The following SLC1A2 variants were observed in gnomAD, a reference collection of about 807,000 sequenced individuals.
SLC1A2 encodes the protein solute carrier family 1 member 2.
Under a neutral mutation model 48.8 loss-of-function variants are expected in SLC1A2, and 15 were observed. The ratio of observed to expected loss-of-function variants is 0.31; its 90% CI spans 0.21 to 0.47. The LOEUF (loss-of-function observed/expected upper bound fraction) is 0.47, where lower values mean the gene tolerates loss of function less well. Ranked by LOEUF, SLC1A2 falls within the 20% of genes least tolerant of loss-of-function variation. SLC1A2 has a pLI of 0.99. For missense variants in SLC1A2, 502 were observed against 730.5 expected (o/e 0.69, Z 3.61); for synonymous variants, 279 against 272.6 (o/e 1.02, Z -0.23).
chr11:35,365,735 A>G (rs1853822116), intron 1 of SLC1A2, among the ~76,000 whole-genome samples: 1 of 152,058 alleles, frequency 6.6e-6, no homozygotes, highest in African/African-American at 2.4e-5. Flanking sequence ...TACAGTTTAT[A>G]TGTCTGTCTG....
At chr11:35,261,696 T>C in intron 10 of SLC1A2, 1 of 398,576 alleles carries the variant, frequency 2.5e-6, no homozygotes, top group Non-Finnish European at 4.4e-6. Context: ...CTCAACGTCA[T>C]GTGCAAACTT....
intron 4 of SLC1A2, among the ~76,000 whole-genome samples, chr11:35,308,185 T>C (rs182083817): frequency 6.6e-6 from 1 of 152,350 alleles, no homozygotes; most frequent in East Asian, 1.9e-4. Context: ...CTACCTATTT[T>C]ACATCCATTA....
At chr11:35,410,841 G>T (rs1260129079) in intron 1 of SLC1A2, among the ~76,000 whole-genome samples, 1 of 152,128 alleles carries the variant, frequency 6.6e-6, no homozygotes, top group Non-Finnish European at 1.5e-5. Context: ...CTCTCCCTCT[G>T]CCTACCCTGG....
At chr11:35,298,143 A>T (rs1434458803) in intron 6 of SLC1A2, 2 of 152,208 alleles carry the variant, frequency 1.3e-5, no homozygotes, top group African/African-American at 4.8e-5. Flanking sequence ...TTTGTTCAGT[A>T]CTATTGTGAA....
At chr11:35,394,794 G>T (rs1262161573) in intron 1 of SLC1A2, among the ~76,000 whole-genome samples, 1 of 152,188 alleles carries the variant, frequency 6.6e-6, no homozygotes. Context: ...AAGCCGTTGG[G>T]CACGACATGG....
intron 1 of SLC1A2, among the ~76,000 whole-genome samples, chr11:35,385,875 T>G (rs923601195): frequency 6.6e-6 from 1 of 152,082 alleles, no homozygotes. Context: ...GCTTTAAAAA[T>G]AATGACAGTT....
rs1252506669 is a variant in SLC1A2, at chr11:35,251,754, G to A, written c.*9140C>T. The A allele has an allele frequency of 6.6e-6, 1 of 152,602 alleles. No homozygotes were observed. Among genetic ancestry groups the A allele is most frequent in the Admixed American group, 6.5e-5 (1 of 15,270 alleles). 9.5% of individuals were successfully genotyped at this position (152,602 alleles called of 1,614,324 possible). On this transcript the variant is annotated 3_prime_UTR_variant, in exon 11 of 11. Transcript: ENST00000278379. ...TATGAAGCAGCCACTGCAAATTAAT[G>A]TGCTTCATGCCCCCTGATGATATTG...
chr11:35,357,069 G>A lies in SLC1A2; in HGVS notation c.18-39553C>T, dbSNP rs190517676. ...ATCCTATCTAACATGGTAAAACCCCGTCTCTGTTAAAACTACAAAAGAAAA... is the reference window on the plus strand; with the variant it reads ...ATCCTATCTAACATGGTAAAACCCCATCTCTGTTAAAACTACAAAAGAAAA... On this transcript the variant is annotated intron_variant, in intron 1 of 10. Transcript: ENST00000278379. Among the ~76,000 whole-genome samples the A allele has an allele frequency of 1.4e-4, 21 of 151,758 alleles. 1 individual carries two copies. In the South Asian group the frequency reaches 1.7e-3, roughly 12 times the overall value.
At chr11:35,411,619 C>G (rs528571436) in intron 1 of SLC1A2, among the ~76,000 whole-genome samples, 7 of 152,166 alleles carry the variant, frequency 4.6e-5, no homozygotes, top group Non-Finnish European at 8.8e-5. Flanking sequence ...CTATGCCCAG[C>G]CCAACTGTCC....
intron 9 of SLC1A2, among the ~76,000 whole-genome samples, chr11:35,271,158 A>T (rs1291784563): frequency 1.3e-5 from 2 of 152,236 alleles, no homozygotes; most frequent in Non-Finnish European, 2.9e-5. Context: ...ACCAGTAGAC[A>T]ATGTAACCAT....
chr11:35,400,620 T>C (rs1855104714), intron 1 of SLC1A2, among the ~76,000 whole-genome samples: 2 of 152,154 alleles, frequency 1.3e-5, no homozygotes, highest in African/African-American at 4.8e-5. Flanking sequence ...TGCCTTAATA[T>C]GGTTTACTCC....
At position 35,311,153 on chromosome 11, in the gene SLC1A2, CT is replaced by C. The variant is rs377766388; in HGVS notation, c.561+1044del. 2.0e-3 allele frequency among the ~76,000 whole-genome samples: 304 copies of C among 151,236 alleles called. 3 individuals are homozygous for C. In the Middle Eastern group the frequency reaches 0.021, roughly 10 times the overall value. On this transcript the variant is annotated intron_variant, in intron 4 of 10. Transcript: ENST00000278379. Reference sequence around the variant, plus strand: ...CAATGGAGTACCATTGGGTTAAATTCTTTTTTTTTGTTTTTTTGTTTTTTGT... The same window carrying C: ...CAATGGAGTACCATTGGGTTAAATTCTTTTTTTTGTTTTTTTGTTTTTTGT...
At chr11:35,352,998 C>T (rs1478076847) in intron 1 of SLC1A2, among the ~76,000 whole-genome samples, 1 of 152,124 alleles carries the variant, frequency 6.6e-6, no homozygotes, top group Non-Finnish European at 1.5e-5. Flanking sequence ...CATTTCAAGA[C>T]CGACTTTGAA....
rs972030325 is a variant in SLC1A2 at position 35,254,145 on chromosome 11, T to C, written c.*6749A>G. Reference sequence around the variant, plus strand: ...ATATCTGCTGGCAACAAGATCAAGTTAGATTCACAGTTTGCCAGCTCTTTC... The same window carrying C: ...ATATCTGCTGGCAACAAGATCAAGTCAGATTCACAGTTTGCCAGCTCTTTC... On this transcript the variant is annotated 3_prime_UTR_variant, in exon 11 of 11. Transcript: ENST00000278379. 2.9e-4 allele frequency: 44 copies of C among 152,636 alleles called. No homozygotes were observed. Among genetic ancestry groups the C allele is most frequent in the African/African-American group, 1.0e-3 (43 of 41,442 alleles). 9.5% of individuals were successfully genotyped at this position (152,636 alleles called of 1,614,324 possible). A position where few individuals can be genotyped will look rare whatever the true frequency, so the allele number is the denominator to read the frequency against.
Position 35,419,380 on chromosome 11 carries a change from T to C in SLC1A2, c.-414A>G, listed in dbSNP as rs746386499. On this transcript the variant is annotated 5_prime_UTR_variant, in exon 1 of 11. Coordinates refer to ENST00000278379, the MANE Select transcript of SLC1A2 (RefSeq NM_004171.4). This position sits in a 1 kb window ranked among gnomAD's most constrained non-coding sequence, Gnocchi z 5.4. ...GGCGAGTGGCGGGAGCAGAGAGTGG[T>C]GGCAGAGGACGGTGAGCGTGCGTGC... 294 of 207,200 alleles carry C rather than the reference T, an allele frequency of 1.4e-3. No individual in the cohort carries two copies. The highest frequency in any genetic ancestry group is 2.4e-3 in the Non-Finnish European group (249 of 104,866). 12.8% of individuals were successfully genotyped at this position (207,200 alleles called of 1,614,324 possible).
rs1480979649 is a variant in SLC1A2, at chr11:35,259,306, T to C, written c.*1588A>G. On this transcript the variant is annotated 3_prime_UTR_variant, in exon 11 of 11. Coordinates refer to ENST00000278379, the MANE Select transcript of SLC1A2 (RefSeq NM_004171.4). Reference sequence around the variant, plus strand: ...TCAGCATCCCTCCGCTGGTTTCATATAATACAGCCTATTCTCACCTATAAA... The same window carrying C: ...TCAGCATCCCTCCGCTGGTTTCATACAATACAGCCTATTCTCACCTATAAA... The C allele has an allele frequency of 3.9e-5, 6 of 152,650 alleles. No homozygotes were observed. Among genetic ancestry groups the C allele is most frequent in the African/African-American group, 1.2e-4 (5 of 41,458 alleles). The allele number at this position is 152,650 out of a possible 1,614,324, so 9.5% of individuals were successfully genotyped here.
At chr11:35,342,746 C>T (rs1339787488) in intron 1 of SLC1A2, among the ~76,000 whole-genome samples, 3 of 151,838 alleles carry the variant, frequency 2.0e-5, no homozygotes, top group Non-Finnish European at 4.4e-5. Context: ...TGATCACTCC[C>T]CTGCACTCCA....
chr11:35,327,266 T>C (rs1038091436), intron 1 of SLC1A2, among the ~76,000 whole-genome samples: 1 of 150,600 alleles, frequency 6.6e-6, no homozygotes, highest in Non-Finnish European at 1.5e-5. Flanking sequence ...AGTTGAAAAA[T>C]AGGCAAATTA....
Position 35,301,506 on chromosome 11 carries a change from CA to C in SLC1A2, c.857+12del. On this transcript the variant is annotated intron_variant, in intron 6 of 10. Transcript: ENST00000278379. ...TCAACCCACTGCTAAGAAGTAAGAA[CA>C]AGGCCACTTACCACATGATCATGAT... 1 of 1,612,852 alleles carries C rather than the reference CA, an allele frequency of 6.2e-7. No homozygotes were observed. The highest frequency in any genetic ancestry group is 8.5e-7 in the Non-Finnish European group (1 of 1,179,264).
Sources: allele counts gnomAD v4.1 joint callset (sites outside exome capture counted in the v4.1 genomes callset), GRCh38; gene constraint gnomAD v4.1.1; non-coding constraint Gnocchi (gnomAD v3.1); transcripts MANE v1.5; gene names NCBI Gene and HGNC (gene_info 2026-07-23, HGNC 2026-07-21).